The following MND1 variants were observed in gnomAD, a reference collection of about 807,000 sequenced individuals.
MND1 encodes the protein meiotic nuclear divisions 1.
MND1 carries 28 observed loss-of-function variants against 35.1 expected under a neutral mutation model. That is an observed-to-expected ratio of 0.80 (90% CI 0.59 to 1.09). MND1 has a LOEUF of 1.09. Ranked by LOEUF, MND1 falls within the 50% of genes least tolerant of loss-of-function variation. The pLI is 0.00. For missense variants in MND1, 213 were observed against 239.6 expected (o/e 0.89, Z 0.73); for synonymous variants, 69 against 70.5 (o/e 0.98, Z 0.11).
At chr4:153,377,592 T>C (rs1728544638) in intron 4 of MND1, among the ~76,000 whole-genome samples, 1 of 152,196 alleles carries the variant, frequency 6.6e-6, no homozygotes, top group Non-Finnish European at 1.5e-5. Context: ...TGGTGTGATA[T>C]ATGCAATGCT....
intron 4 of MND1, among the ~76,000 whole-genome samples, chr4:153,367,061 G>A (rs1257589583): frequency 6.6e-6 from 1 of 152,158 alleles, no homozygotes; most frequent in East Asian, 1.9e-4. Flanking sequence ...GGGTGGAATG[G>A]AAGTCTCAAA....
rs545427525 is a variant in MND1 at position 153,366,461 on chromosome 4, C to T, written c.276+7839C>T. Among the ~76,000 whole-genome samples the T allele has an allele frequency of 9.9e-5, 15 of 152,246 alleles. No homozygotes were observed. The East Asian group carries it at 2.9e-3, about 29-fold the overall frequency. ...GGAAAATCAGAAATTCAGCTTTGAC[C>T]ATGTTAAGTTTGAAGTGACTGTTAG... On this transcript the variant is annotated intron_variant, in intron 4 of 7. Transcript: ENST00000240488.
At chr4:153,401,660 T>C (rs1467193034) in intron 6 of MND1, among the ~76,000 whole-genome samples, 1 of 152,196 alleles carries the variant, frequency 6.6e-6, no homozygotes, top group African/African-American at 2.4e-5. Flanking sequence ...GTTTCACAAA[T>C]TGATTTTAAT....
Position 153,394,352 on chromosome 4 carries a change from T to C in MND1, c.351+16T>C. On this transcript the variant is annotated intron_variant, in intron 5 of 7. Coordinates refer to ENST00000240488, the MANE Select transcript of MND1 (RefSeq NM_032117.4). ...ATGTGAAACGGTAAGTTTGTGTCTA[T>C]AGATTATTTTAATAATGGCAATTCT... 8 of 1,594,108 alleles carry C rather than the reference T, an allele frequency of 5.0e-6. No individual in the cohort carries two copies. Among genetic ancestry groups the C allele is most frequent in the Non-Finnish European group, 6.9e-6 (8 of 1,166,868 alleles).
chr4:153,374,556 C>G (rs1579920316), intron 4 of MND1, among the ~76,000 whole-genome samples: 1 of 152,052 alleles, frequency 6.6e-6, no homozygotes, highest in Admixed American at 6.6e-5. Flanking sequence ...TCAGCTTATT[C>G]TACATATTGC....
At chr4:153,347,919 AG>A (rs1773112884) in intron 1 of MND1, among the ~76,000 whole-genome samples, 1 of 152,188 alleles carries the variant, frequency 6.6e-6, no homozygotes, top group African/African-American at 2.4e-5. Flanking sequence ...GGTTGGGGTT[AG>A]GTGATAAAGG....
intron 4 of MND1, among the ~76,000 whole-genome samples, chr4:153,376,800 T>G (rs559614492): frequency 6.6e-6 from 1 of 152,306 alleles, no homozygotes. Context: ...AACTCTAATC[T>G]GCTGGACTAT....
intron 3 of MND1, among the ~76,000 whole-genome samples, 153 bp from the exon 4 acceptor site, chr4:153,358,321 T>C (rs1036177394): frequency 2.6e-5 from 4 of 152,202 alleles, no homozygotes; most frequent in Non-Finnish European, 5.9e-5. Flanking sequence ...CCTTAGGCAG[T>C]TTCATTGTTG....
Position 153,353,100 on chromosome 4 carries a change from CTG to C in MND1, c.70-2552_70-2551del, listed in dbSNP as rs1282839515. 3.9e-5 allele frequency among the ~76,000 whole-genome samples: 6 copies of C among 152,144 alleles called. No individual in the cohort carries two copies. In the East Asian group the frequency reaches 5.8e-4, roughly 15 times the overall value. The stretch of plus-strand genomic sequence containing the variant: ...AGTATTTGCAAAGAGGTTTGATTAA[CTG>C]TTTTTTCTAATGCATTAAAGACTTA... On this transcript the variant is annotated intron_variant, in intron 2 of 7. Coordinates refer to ENST00000240488, the MANE Select transcript of MND1 (RefSeq NM_032117.4).
At chr4:153,396,138 A>G (rs528241367) in intron 5 of MND1, among the ~76,000 whole-genome samples, 3 of 152,198 alleles carry the variant, frequency 2.0e-5, no homozygotes, top group Non-Finnish European at 2.9e-5. Flanking sequence ...TACACTAACC[A>G]TGTGTGGCTA....
intron 5 of MND1, among the ~76,000 whole-genome samples, chr4:153,396,442 C>A (rs1030628757): frequency 1.3e-5 from 2 of 152,198 alleles, no homozygotes; most frequent in African/African-American, 2.4e-5. Flanking sequence ...AGGTAGCTGG[C>A]AACCTTACGA....
intron 1 of MND1, among the ~76,000 whole-genome samples, chr4:153,349,207 T>C (rs2149627778): frequency 6.6e-6 from 1 of 152,270 alleles, no homozygotes; most frequent in South Asian, 2.1e-4. Context: ...TAAAATTTAT[T>C]ATTAACATAT....
At chr4:153,410,407 A>T (rs1729649115) in intron 7 of MND1, among the ~76,000 whole-genome samples, 1 of 152,164 alleles carries the variant, frequency 6.6e-6, no homozygotes, top group South Asian at 2.1e-4. Flanking sequence ...TTAAAGTTAC[A>T]ACTTACTCCT....
intron 4 of MND1, among the ~76,000 whole-genome samples, chr4:153,369,310 A>G (rs1359568240): frequency 3.3e-5 from 5 of 152,148 alleles, no homozygotes; most frequent in African/African-American, 1.2e-4. Context: ...ACATCCCATC[A>G]CCTCAGCCAC....
intron 5 of MND1, among the ~76,000 whole-genome samples, chr4:153,394,799 C>T (rs770316530): frequency 1.3e-4 from 20 of 152,142 alleles, no homozygotes; most frequent in Admixed American, 3.9e-4. Flanking sequence ...AACATAGTAT[C>T]TTTGGCCTTG....
At position 153,410,860 on chromosome 4, in the gene MND1, GCA is replaced by G. The variant is rs1183869762; in HGVS notation, c.511+1849_511+1850del. On this transcript the variant is annotated intron_variant, in intron 7 of 7. Transcript: ENST00000240488. ...ACAAAAATTAGCCAGGCATGGTGGC[GCA>G]CACCTGTAATACCAGCTACTCAGGA... 9.6e-4 allele frequency among the ~76,000 whole-genome samples: 146 copies of G among 152,104 alleles called. 1 individual carries two copies. The highest frequency in any genetic ancestry group is 5.9e-5 in the Non-Finnish European group (4 of 67,992).
chr4:153,371,906 T>C (rs1209757927), intron 4 of MND1, among the ~76,000 whole-genome samples: 1 of 152,102 alleles, frequency 6.6e-6, no homozygotes, highest in Non-Finnish European at 1.5e-5. Context: ...AAATGAGAGA[T>C]GTGTGACGTT....
At chr4:153,379,849 CAAAAAAA>C (rs34034237) in intron 4 of MND1, among the ~76,000 whole-genome samples, 30 of 62,492 alleles carry the variant, frequency 4.8e-4, no homozygotes, top group African/African-American at 1.0e-3. Context: ...GACTCCATCT[CAAAAAAA>C]AAAAAAAAAA....
At chr4:153,408,912 GTATA>G (rs10552163) in intron 6 of MND1, 55 bp from the exon 7 acceptor site, 1,159 of 314,526 alleles carry the variant, frequency 3.7e-3, no homozygotes, top group African/African-American at 5.3e-3. Context: ...CATTTTGTGT[GTATA>G]TATATATATA....
Sources: gnomAD v4.1 joint callset for allele counts (sites outside exome capture counted in the v4.1 genomes callset) on GRCh38, gnomAD v4.1.1 for gene constraint, MANE v1.5 for transcripts, NCBI Gene and HGNC (gene_info 2026-07-23, HGNC 2026-07-21) for gene names.